The following ITSN1 variants were observed in gnomAD, a reference collection of about 807,000 sequenced individuals.
ITSN1 encodes intersectin-1.
A neutral mutation model predicts 239.8 loss-of-function variants in ITSN1; 58 were observed. The ratio of observed to expected loss-of-function variants is 0.24; its 90% CI spans 0.20 to 0.30. The LOEUF is 0.30. Among genes scored for constraint, ITSN1 ranks in the 10% least tolerant of loss-of-function variants. The pLI, the probability that ITSN1 is intolerant of heterozygous loss-of-function variation, is 1.00. For missense variants in ITSN1, 1,558 were observed against 2,103.3 expected (o/e 0.74, Z 5.07); for synonymous variants, 780 against 770.8 (o/e 1.01, Z -0.20).
intron 36 of ITSN1, 24 bp from the exon 37 acceptor site, chr21:33,885,017 A>G (rs1569344308): frequency 6.2e-7 from 1 of 1,602,970 alleles, no homozygotes; most frequent in African/African-American, 1.3e-5. Context: ...CTGTTTGGCA[A>G]CTTTCTGTCT....
chr21:33,740,948 C>A (rs572374325), intron 5 of ITSN1, among the ~76,000 whole-genome samples: 3 of 152,128 alleles, frequency 2.0e-5, no homozygotes, highest in Admixed American at 2.0e-4. Flanking sequence ...ATAAATTTTT[C>A]CTTTTCTGTA....
At chr21:33,767,932 C>T in intron 11 of ITSN1, 104 bp downstream of exon 11, 1 of 626,312 alleles carries the variant, frequency 1.6e-6, no homozygotes, top group Non-Finnish European at 2.7e-6. Flanking sequence ...TAGTTTTTGA[C>T]ATTTTTGCCT....
At chr21:33,647,738 C>T (rs1479560239) in intron 1 of ITSN1, among the ~76,000 whole-genome samples, 1 of 152,186 alleles carries the variant, frequency 6.6e-6, no homozygotes, top group African/African-American at 2.4e-5. Flanking sequence ...TCAGGTGATC[C>T]ACCTGCCTCA....
At chr21:33,668,796 G>A (rs1035107001) in intron 1 of ITSN1, among the ~76,000 whole-genome samples, 1 of 152,234 alleles carries the variant, frequency 6.6e-6, no homozygotes, top group Non-Finnish European at 1.5e-5. Flanking sequence ...GAGCCTTGCA[G>A]GTCAGTGACC....
intron 5 of ITSN1, among the ~76,000 whole-genome samples, chr21:33,737,760 G>A (rs1193123797): frequency 6.6e-6 from 1 of 152,012 alleles, no homozygotes; most frequent in Non-Finnish European, 1.5e-5. Flanking sequence ...TTTTAATAGA[G>A]ACAGGGTTCC....
chr21:33,756,889 C>T (rs1366140652), intron 8 of ITSN1: 1 of 152,300 alleles, frequency 6.6e-6, no homozygotes, highest in Admixed American at 6.5e-5. Context: ...GCCTCAGCCT[C>T]CCAAGTAGCT....
At chr21:33,781,042 A>T (rs2070134788) in intron 14 of ITSN1, among the ~76,000 whole-genome samples, 1 of 152,222 alleles carries the variant, frequency 6.6e-6, no homozygotes, top group African/African-American at 2.4e-5. Flanking sequence ...CTTAGTAAGT[A>T]TCAAAGTTCA....
At chr21:33,791,877 A>C (rs888866889) in intron 16 of ITSN1, among the ~76,000 whole-genome samples, 10 of 152,258 alleles carry the variant, frequency 6.6e-5, no homozygotes, top group Non-Finnish European at 1.3e-4. Context: ...TTAATATATA[A>C]TCAGATTCCT....
intron 14 of ITSN1, among the ~76,000 whole-genome samples, chr21:33,778,588 T>C (rs1315680371): frequency 1.6e-5 from 2 of 125,880 alleles, no homozygotes; most frequent in African/African-American, 6.9e-5. Flanking sequence ...TTTTTTTTTT[T>C]TTTTTTTTGA....
Position 33,878,010 on chromosome 21 carries a change from G to T in ITSN1, c.4341+2489G>T, listed in dbSNP as rs1186829853. Among the ~76,000 whole-genome samples, 40 of 17,760 alleles carry T rather than the reference G, an allele frequency of 2.3e-3. No homozygotes were observed. The African/African-American group carries it at 0.031, about 14-fold the overall frequency. The allele number at this position is 17,760 out of a possible 152,430, so 11.7% of individuals were successfully genotyped here. On this transcript the variant is annotated intron_variant, in intron 34 of 39. Coordinates refer to ENST00000381318, the MANE Select transcript of ITSN1 (RefSeq NM_003024.3). Reference sequence around the variant, plus strand: ...TCTCTTTCTCTTTCTCTCTCTCTTTGTGTGTGTGTGTGTGTGTGTGTGTGT... The same window carrying T: ...TCTCTTTCTCTTTCTCTCTCTCTTTTTGTGTGTGTGTGTGTGTGTGTGTGT...
At chr21:33,868,101 T>A (rs1020171560) in intron 33 of ITSN1, among the ~76,000 whole-genome samples, 3 of 152,348 alleles carry the variant, frequency 2.0e-5, no homozygotes, top group South Asian at 2.1e-4. Context: ...GGCAGCCTGC[T>A]TTTATTCTCT....
intron 1 of ITSN1, among the ~76,000 whole-genome samples, chr21:33,690,060 A>G (rs139475703): frequency 0.043 from 6,391 of 150,002 alleles, 461 homozygotes; most frequent in African/African-American, 0.15. Flanking sequence ...AAGGCAGGCG[A>G]ATCACTTGAG....
At chr21:33,861,385 C>T (rs1342858740) in intron 31 of ITSN1, among the ~76,000 whole-genome samples, 1 of 151,588 alleles carries the variant, frequency 6.6e-6, no homozygotes, top group Non-Finnish European at 1.5e-5. Flanking sequence ...TCCTACAGTC[C>T]TTGTATTTGG....
chr21:33,872,325 A>G (rs1216584608), intron 33 of ITSN1, among the ~76,000 whole-genome samples: 5 of 152,226 alleles, frequency 3.3e-5, no homozygotes, highest in East Asian at 1.9e-4. Flanking sequence ...GTTTTATGGG[A>G]AGGTAACTAT....
At chr21:33,881,826 T>G (rs1024130154) in intron 34 of ITSN1, among the ~76,000 whole-genome samples, 6 of 151,612 alleles carry the variant, frequency 4.0e-5, no homozygotes, top group Non-Finnish European at 8.8e-5. Flanking sequence ...ACAAAAGTTT[T>G]TTTCACATGT....
intron 1 of ITSN1, among the ~76,000 whole-genome samples, chr21:33,717,350 C>A (rs2147043387): frequency 6.6e-6 from 1 of 151,914 alleles, no homozygotes. Flanking sequence ...GCTCATGCAA[C>A]CACGCCTGGC....
At chr21:33,748,316 G>A (rs1455173928) in intron 5 of ITSN1, among the ~76,000 whole-genome samples, 1 of 152,048 alleles carries the variant, frequency 6.6e-6, no homozygotes, top group Non-Finnish European at 1.5e-5. Context: ...TGCATTTGGT[G>A]GTGCGTGTCT....
chr21:33,748,184 T>G (rs2067301789), intron 5 of ITSN1, among the ~76,000 whole-genome samples: 1 of 152,182 alleles, frequency 6.6e-6, no homozygotes, highest in African/African-American at 2.4e-5. Flanking sequence ...AAATTACTTT[T>G]GGATGCATAC....
chr21:33,793,908 A>T (rs1268510476), intron 16 of ITSN1, among the ~76,000 whole-genome samples: 1 of 152,170 alleles, frequency 6.6e-6, no homozygotes, highest in East Asian at 1.9e-4. Context: ...GTTTGAATGG[A>T]GGTAGTCAGT....
Sources: allele counts gnomAD v4.1 joint callset (sites outside exome capture counted in the v4.1 genomes callset), GRCh38; gene constraint gnomAD v4.1.1; transcripts MANE v1.5; gene names NCBI Gene and HGNC (gene_info 2026-07-23, HGNC 2026-07-21).